The following TP63 variants were observed in gnomAD, a reference collection of about 807,000 sequenced individuals.
TP63 encodes tumor protein p63, also known as tumor protein 63.
A neutral mutation model predicts 82.8 loss-of-function variants in TP63; 17 were observed. The observed-to-expected ratio is 0.21, with a 90% CI of 0.14 to 0.31. The LOEUF is 0.31. Among genes scored for constraint, TP63 ranks in the 10% least tolerant of loss-of-function variants. The probability of loss-of-function intolerance (pLI) is 1.00; values close to 1 mark genes in which losing one functional copy is unlikely to be tolerated. For missense variants in TP63, 648 were observed against 895.3 expected, an observed-to-expected ratio of 0.72 and a Z score of 3.52; for synonymous variants, 330 against 321.7, an observed-to-expected ratio of 1.03 and a Z score of -0.28.
At chr3:189,849,016 C>G (rs9844142) in intron 4 of TP63, among the ~76,000 whole-genome samples, 7,615 of 152,252 alleles carry the variant, frequency 0.05, 624 homozygotes, top group African/African-American at 0.17. Context: ...TTGATCACCA[C>G]TTGCCAATGG....
intron 1 of TP63, among the ~76,000 whole-genome samples, chr3:189,677,854 T>A (rs1715579874): frequency 6.6e-6 from 1 of 152,062 alleles, no homozygotes; most frequent in Non-Finnish European, 1.5e-5. Context: ...ATTAGTGATG[T>A]TGAGTATTTT....
At chr3:189,745,708 C>CAAAAAAAAAAAAAAAA (rs71298529) in intron 3 of TP63, among the ~76,000 whole-genome samples, 2 of 17,794 alleles carry the variant, frequency 1.1e-4, no homozygotes, top group Non-Finnish European at 9.9e-5. Context: ...AACTCCATCT[C>CAAAAAAAAAAAAAAAA]AAAAAAAAAA....
intron 4 of TP63, among the ~76,000 whole-genome samples, chr3:189,841,321 G>A (rs573090560): frequency 5.9e-5 from 9 of 152,182 alleles, no homozygotes; most frequent in African/African-American, 1.9e-4. Flanking sequence ...GTTAGCTGAG[G>A]ATTAAATTAA....
At chr3:189,656,293 CAGACTT>C (rs1463906194) in intron 1 of TP63, among the ~76,000 whole-genome samples, 2 of 152,020 alleles carry the variant, frequency 1.3e-5, no homozygotes, top group African/African-American at 4.8e-5. Flanking sequence ...TATTTGGAGA[CAGACTT>C]AGATTAGTTA....
At chr3:189,815,849 T>A (rs1454610850) in intron 4 of TP63, among the ~76,000 whole-genome samples, 1 of 152,200 alleles carries the variant, frequency 6.6e-6, no homozygotes, top group Non-Finnish European at 1.5e-5. Context: ...TACAAAGTCA[T>A]ATAGATTAAT....
chr3:189,631,385 ACTT>A, upstream of TP63: 1 of 1,546,338 alleles, frequency 6.5e-7, no homozygotes, highest in Non-Finnish European at 8.7e-7. Flanking sequence ...AAGTGCCTAA[ACTT>A]CTATGTCTGA....
At chr3:189,786,651 C>T (rs2108585651) in intron 3 of TP63, among the ~76,000 whole-genome samples, 1 of 152,104 alleles carries the variant, frequency 6.6e-6, no homozygotes, top group Non-Finnish European at 1.5e-5. Context: ...TATGGCTTTA[C>T]AGCGCCGCCA....
rs5855274 is a variant in TP63 at position 189,839,040 on chromosome 3, TAAAAAAAAAAAAAAA to T, written c.580-25182_580-25168del. ...CTAAAAAGCAACTAGTATCCTAAGC[TAAAAAAAAAAAAAAA>T]AAAAAAAAAGAAAAAGAAAAAGTAG... is the stretch of plus-strand genomic sequence containing the variant. On this transcript the variant is annotated intron_variant, in intron 4 of 13. Transcript: ENST00000264731. Among the ~76,000 whole-genome samples, 2 of 88,606 alleles carry T rather than the reference TAAAAAAAAAAAAAAA, an allele frequency of 2.3e-5. 1 individual carries two copies. The highest frequency in any genetic ancestry group is 4.2e-5 in the Non-Finnish European group (2 of 47,088). 58.1% of individuals were successfully genotyped at this position (88,606 alleles called of 152,430 possible).
intron 4 of TP63, among the ~76,000 whole-genome samples, chr3:189,829,675 G>C (rs974718862): frequency 6.6e-6 from 1 of 152,196 alleles, no homozygotes; most frequent in Admixed American, 6.5e-5. Context: ...AAAGATTCTG[G>C]AAAGTTTGGA....
intron 4 of TP63, among the ~76,000 whole-genome samples, chr3:189,837,414 T>A (rs1177331205): frequency 1.8e-5 from 2 of 109,302 alleles, no homozygotes; most frequent in African/African-American, 3.2e-5. Context: ...GGAATTAAAT[T>A]TGAAATTTCC....
chr3:189,737,612 G>A (rs1720690161), intron 1 of TP63, 128 bp from the exon 2 acceptor site: 1 of 1,184,054 alleles, frequency 8.4e-7, no homozygotes, highest in Admixed American at 2.0e-5. Flanking sequence ...TGTAACATGT[G>A]CTACATATAT....
intron 1 of TP63, among the ~76,000 whole-genome samples, chr3:189,665,159 CCACCCG>C (rs1439745176): frequency 1.3e-5 from 2 of 152,102 alleles, no homozygotes; most frequent in African/African-American, 4.8e-5. Flanking sequence ...GAGTGTACTA[CCACCCG>C]TGGTTTTCTT....
chr3:189,599,122 A>G, the TP63 span, among the ~76,000 whole-genome samples: 1 of 152,110 alleles, frequency 6.6e-6, no homozygotes, highest in Non-Finnish European at 1.5e-5. Flanking sequence ...TCAACATTAT[A>G]TTTACCTCCT....
At chr3:189,658,226 C>T (rs1253786314) in intron 1 of TP63, among the ~76,000 whole-genome samples, 1 of 151,712 alleles carries the variant, frequency 6.6e-6, no homozygotes, top group African/African-American at 2.4e-5. Context: ...GGTTGTAATA[C>T]AAAATATTAA....
intron 1 of TP63, among the ~76,000 whole-genome samples, chr3:189,649,084 A>G (rs1281467219): frequency 6.8e-6 from 1 of 147,398 alleles, no homozygotes; most frequent in Non-Finnish European, 1.5e-5. Flanking sequence ...AAAGTTATTC[A>G]TGCTATTATG....
At chr3:189,629,412 T>A (rs1477335388), upstream of TP63, among the ~76,000 whole-genome samples, 1 of 151,908 alleles carries the variant, frequency 6.6e-6, no homozygotes, top group African/African-American at 2.4e-5. Flanking sequence ...AAATAACTTT[T>A]AAAAAACAAA....
intron 1 of TP63, among the ~76,000 whole-genome samples, chr3:189,681,267 TTTTCATA>T (rs1715878869): frequency 6.6e-6 from 1 of 152,128 alleles, no homozygotes; most frequent in Admixed American, 6.6e-5. Context: ...TGGTAATATA[TTTTCATA>T]AGTGAATAGT....
At chr3:189,718,035 A>G (rs886170861) in intron 1 of TP63, among the ~76,000 whole-genome samples, 4 of 152,212 alleles carry the variant, frequency 2.6e-5, no homozygotes, top group African/African-American at 9.6e-5. Context: ...AGGAAGGTCT[A>G]TATTGGAAAA....
At chr3:189,820,329 T>A (rs541593671) in intron 4 of TP63, among the ~76,000 whole-genome samples, 1 of 152,332 alleles carries the variant, frequency 6.6e-6, no homozygotes, top group African/African-American at 2.4e-5. Flanking sequence ...ACCATTTGTA[T>A]AAGTTTCCAC....
Sources: allele counts gnomAD v4.1 joint callset (sites outside exome capture counted in the v4.1 genomes callset), GRCh38; gene constraint gnomAD v4.1.1; transcripts MANE v1.5; gene names NCBI Gene and HGNC (gene_info 2026-07-23, HGNC 2026-07-21).